Variants in AGAP1 observed in about 807,000 individuals in gnomAD.
AGAP1 encodes ArfGAP with GTPase domain, ankyrin repeat and PH domain 1.
AGAP1 carries 29 observed loss-of-function variants against 105.3 expected under a neutral mutation model. That is an observed-to-expected ratio of 0.28 (90% CI 0.21 to 0.38). The LOEUF (loss-of-function observed/expected upper bound fraction) is 0.38. Among genes scored for constraint, AGAP1 ranks in the 10% least tolerant of loss-of-function variants. The pLI, the probability that AGAP1 is intolerant of heterozygous loss-of-function variation, is 1.00. For synonymous variants in AGAP1, 509 were observed against 485.9 expected (o/e 1.05, Z -0.63); for missense variants, 998 against 1,165.1 (o/e 0.86, Z 2.09).
rs1203233551 is a variant in AGAP1 at position 235,692,371 on chromosome 2, C to T, written c.164-16808C>T. 6.6e-6 allele frequency among the ~76,000 whole-genome samples: 1 copy of T among 152,136 alleles called. No individual in the cohort carries two copies. The highest frequency in any genetic ancestry group is 1.5e-5 in the Non-Finnish European group (1 of 68,036). ...GGCCGTCCACTTTGCTCCTTTGTGC[C>T]TGCACTGCCAGGTGCACATCGAGCC... On this transcript the variant is annotated intron_variant, in intron 1 of 17. Transcript: ENST00000304032. This position sits in a 1 kb window ranked among gnomAD's most constrained non-coding sequence, Gnocchi z 5.8.
chr2:235,804,711 C>G (rs1957752893), intron 8 of AGAP1, among the ~76,000 whole-genome samples: 1 of 152,214 alleles, frequency 6.6e-6, no homozygotes, highest in African/African-American at 2.4e-5. Flanking sequence ...ACCTTTCTTT[C>G]CTCTGCATCG....
At chr2:236,060,145 A>C (rs534460827) in intron 16 of AGAP1, among the ~76,000 whole-genome samples, 309 of 152,362 alleles carry the variant, frequency 2.0e-3, no homozygotes, top group African/African-American at 7.1e-3. Context: ...CTTGAGTGCA[A>C]AAACTGAAAC....
intron 1 of AGAP1, among the ~76,000 whole-genome samples, chr2:235,530,591 C>T (rs756357094): frequency 6.6e-6 from 1 of 152,150 alleles, no homozygotes; most frequent in Non-Finnish European, 1.5e-5. Flanking sequence ...GCCCCTTCCT[C>T]TGTCTTCAAA....
intron 9 of AGAP1, among the ~76,000 whole-genome samples, chr2:235,813,586 C>T (rs550535716): frequency 2.0e-5 from 3 of 152,312 alleles, no homozygotes; most frequent in East Asian, 1.9e-4. Flanking sequence ...GGCAGTCAGG[C>T]GGGTTGTGGG....
rs114962110 is a variant in AGAP1 at position 235,834,568 on chromosome 2, T to C, written c.1050+27237T>C. Among the ~76,000 whole-genome samples, 1,485 of 152,342 alleles carry C rather than the reference T, an allele frequency of 9.7e-3. 23 individuals carry two copies. The highest frequency in any genetic ancestry group is 0.034 in the African/African-American group (1,411 of 41,578). On this transcript the variant is annotated intron_variant, in intron 9 of 17. Coordinates refer to ENST00000304032, the MANE Select transcript of AGAP1 (RefSeq NM_001037131.3). ...GCTCTTAATTTACATATTCCATGCCTGCCTTGAGAAAATATTTTACCTGGA... is the reference window on the plus strand; with the variant it reads ...GCTCTTAATTTACATATTCCATGCCCGCCTTGAGAAAATATTTTACCTGGA...
At chr2:236,031,873 A>T (rs1042222067) in intron 13 of AGAP1, among the ~76,000 whole-genome samples, 1 of 152,144 alleles carries the variant, frequency 6.6e-6, no homozygotes, top group Non-Finnish European at 1.5e-5. Flanking sequence ...ACCCTGAGTG[A>T]TAGAGACAGG....
At chr2:236,015,696 G>T (rs373469539) in intron 13 of AGAP1, among the ~76,000 whole-genome samples, 1 of 152,100 alleles carries the variant, frequency 6.6e-6, no homozygotes, top group African/African-American at 2.4e-5. Context: ...ACAATCCAGC[G>T]ATCTTGGTAT....
chr2:235,532,369 A>T (rs1238870204), intron 1 of AGAP1, among the ~76,000 whole-genome samples: 1 of 152,174 alleles, frequency 6.6e-6, no homozygotes, highest in Non-Finnish European at 1.5e-5. Flanking sequence ...GGCCCACGCC[A>T]TCACACCTAG....
intron 4 of AGAP1, among the ~76,000 whole-genome samples, chr2:235,742,112 G>A (rs527299144): frequency 2.4e-4 from 37 of 152,160 alleles, no homozygotes; most frequent in Non-Finnish European, 4.7e-4. Context: ...AAATGCAAAC[G>A]GAATGTCAGA....
chr2:236,070,951 A>T (rs2125794837), intron 16 of AGAP1, among the ~76,000 whole-genome samples: 1 of 152,360 alleles, frequency 6.6e-6, no homozygotes, highest in South Asian at 2.1e-4. Context: ...TGTGAATTAC[A>T]TCTCAGCAAA....
At position 236,038,242 on chromosome 2, in the gene AGAP1, A is replaced by C. The variant is rs1472739640; in HGVS notation, c.1800+1527A>C. On this transcript the variant is annotated intron_variant, in intron 14 of 17. Coordinates refer to ENST00000304032, the MANE Select transcript of AGAP1 (RefSeq NM_001037131.3). The surrounding 1 kb of genome is among the most constrained non-coding windows in gnomAD (Gnocchi z 4.5). ...ACCTCAATGGGAAGCAACAGCACAC[A>C]GCATCCTCCAAGCGTGGGCAGCTCA... is the stretch of plus-strand genomic sequence containing the variant. Among the ~76,000 whole-genome samples the C allele has an allele frequency of 6.6e-6, 1 of 152,208 alleles. No homozygotes were observed. Among genetic ancestry groups the C allele is most frequent in the Non-Finnish European group, 1.5e-5 (1 of 68,042 alleles).
Position 235,830,112 on chromosome 2 carries a change from T to C in AGAP1, c.1050+22781T>C, listed in dbSNP as rs1959207914. Among the ~76,000 whole-genome samples, 2 of 149,806 alleles carry C rather than the reference T, an allele frequency of 1.3e-5. No homozygotes were observed. Among genetic ancestry groups the C allele is most frequent in the African/African-American group, 2.4e-5 (1 of 40,878 alleles). On this transcript the variant is annotated intron_variant, in intron 9 of 17. Coordinates refer to ENST00000304032, the MANE Select transcript of AGAP1 (RefSeq NM_001037131.3). This position sits in a 1 kb window ranked among gnomAD's most constrained non-coding sequence, Gnocchi z 5.5. ...GAGTCGTTCTCATTTGTGAAGACAC[T>C]GTCCAGGGCTAAGGCAGTACTTGCC...
In AGAP1 at chr2:235,997,342, G is replaced by A. The variant is rs557432614; in HGVS notation, c.1645+28719G>A. Among the ~76,000 whole-genome samples, 3 of 152,318 alleles carry A rather than the reference G, an allele frequency of 2.0e-5. No homozygotes were observed. In the East Asian group the frequency reaches 5.8e-4, roughly 29 times the overall value. On this transcript the variant is annotated intron_variant, in intron 13 of 17. Transcript: ENST00000304032. Reference sequence around the variant, plus strand: ...GACCTCAGGTGATCCGCCCACCTCGGCCTCCCAAAGTGGGGATTACAGGCA... The same window carrying A: ...GACCTCAGGTGATCCGCCCACCTCGACCTCCCAAAGTGGGGATTACAGGCA...
chr2:235,971,433 G>C lies in AGAP1; in HGVS notation c.1645+2810G>C, dbSNP rs2054636653. On this transcript the variant is annotated intron_variant, in intron 13 of 17. Coordinates refer to ENST00000304032, the MANE Select transcript of AGAP1 (RefSeq NM_001037131.3). The surrounding 1 kb of genome is among the most constrained non-coding windows in gnomAD (Gnocchi z 4.8). The stretch of plus-strand genomic sequence containing the variant: ...CATTCTGTTCTGGCCGGGCACAGTG[G>C]CTCACGCCTGTTATCCCAGCACTTT... 6.6e-6 allele frequency among the ~76,000 whole-genome samples: 1 copy of C among 152,210 alleles called. No homozygotes were observed. The highest frequency in any genetic ancestry group is 6.5e-5 in the Admixed American group (1 of 15,286).
intron 1 of AGAP1, among the ~76,000 whole-genome samples, chr2:235,597,371 C>T (rs1945560235): frequency 6.6e-6 from 1 of 152,210 alleles, no homozygotes; most frequent in African/African-American, 2.4e-5. Flanking sequence ...CCACACACAG[C>T]CCTTCATGCA....
chr2:235,593,456 G>T (rs1199060174), intron 1 of AGAP1, among the ~76,000 whole-genome samples: 1 of 152,094 alleles, frequency 6.6e-6, no homozygotes, highest in Non-Finnish European at 1.5e-5. Context: ...TTAGATTATG[G>T]TACTTTTTCC....
intron 9 of AGAP1, among the ~76,000 whole-genome samples, chr2:235,861,646 C>G (rs2048932227): frequency 6.6e-6 from 1 of 152,210 alleles, no homozygotes; most frequent in Admixed American, 6.5e-5. Context: ...GCTGACAGCT[C>G]TCTTCCCTCT....
rs868101091 is a variant in AGAP1, at chr2:235,744,094, C to T, written c.397-604C>T. Among the ~76,000 whole-genome samples the T allele has an allele frequency of 1.5e-4, 23 of 152,166 alleles. No individual in the cohort carries two copies. The highest frequency in any genetic ancestry group is 5.3e-4 in the African/African-American group (22 of 41,428). ...TGAGGCTATTGTGAAGTTTTCTTCC[C>T]TAAGTTTTGTTAATTTCCCTGAAAA... is the stretch of plus-strand genomic sequence containing the variant. On this transcript the variant is annotated intron_variant, in intron 4 of 17. Coordinates refer to ENST00000304032, the MANE Select transcript of AGAP1 (RefSeq NM_001037131.3). This position sits in a 1 kb window ranked among gnomAD's most constrained non-coding sequence, Gnocchi z 5.2.
intron 16 of AGAP1, among the ~76,000 whole-genome samples, chr2:236,052,627 A>G (rs1003563659): frequency 6.6e-6 from 1 of 152,198 alleles, no homozygotes; most frequent in Non-Finnish European, 1.5e-5. Context: ...AAACAGGGGA[A>G]TCATTAGTCA....
Sources: gnomAD v4.1 joint callset for allele counts (sites outside exome capture counted in the v4.1 genomes callset) on GRCh38, gnomAD v4.1.1 for gene constraint, Gnocchi (gnomAD v3.1) non-coding constraint, MANE v1.5 for transcripts, NCBI Gene and HGNC (gene_info 2026-07-23, HGNC 2026-07-21) for gene names.